Variants in C12orf76 observed in about 807,000 individuals in gnomAD.
C12orf76 encodes uncharacterized protein C12orf76.
C12orf76 carries 6 observed loss-of-function variants against 6.8 expected under a neutral mutation model. That is an observed-to-expected ratio of 0.88 (90% CI 0.48 to 1.73). C12orf76 has a LOEUF of 1.73. Among genes scored for constraint, C12orf76 ranks in the 40% most tolerant of loss-of-function variants. The pLI, the probability that C12orf76 is intolerant of heterozygous loss-of-function variation, is 0.01. For missense variants in C12orf76, 99 were observed against 98.2 expected, an observed-to-expected ratio of 1.01 and a Z score of -0.03; for synonymous variants, 56 against 43.7, an observed-to-expected ratio of 1.28 and a Z score of -1.11.
upstream of C12orf76, chr12:110,048,561 G>A: frequency 2.2e-6 from 3 of 1,348,184 alleles, no homozygotes; most frequent in African/African-American, 4.6e-5. Flanking sequence ...TCTCCTCCCA[G>A]GTCTCTCTGC....
chr12:110,062,627 T>C (rs886757878), intron 2 of C12orf76, among the ~76,000 whole-genome samples: 73 of 151,510 alleles, frequency 4.8e-4, no homozygotes, highest in Non-Finnish European at 8.8e-4. Context: ...AAAGAGATTT[T>C]TTTTTTTTTT....
intron 3 of C12orf76, among the ~76,000 whole-genome samples, chr12:110,058,324 A>G (rs2137231035): frequency 6.6e-6 from 1 of 152,310 alleles, no homozygotes; most frequent in East Asian, 1.9e-4. Context: ...ATGATACACA[A>G]TCATTTTCAG....
chr12:110,059,116 T>C (rs969921013), exon 3 of C12orf76: 6 of 1,551,090 alleles, frequency 3.9e-6, no homozygotes, highest in Non-Finnish European at 4.4e-6. Context: ...TCTTAAATGC[T>C]ATGGTAAATG....
chr12:110,073,482 ATCCGGGCGACT>A, exon 1 of C12orf76: 1 of 522,562 alleles, frequency 1.9e-6, no homozygotes, highest in Non-Finnish European at 3.9e-6. Context: ...GATGCTTTGG[ATCCGGGCGACT>A]TTGTTTGTCT....
In C12orf76 at chr12:110,054,802, G is replaced by C. The variant is rs1312525558; in HGVS notation, n.664+2387C>G. Among the ~76,000 whole-genome samples the C allele has an allele frequency of 6.6e-6, 1 of 152,208 alleles. No individual in the cohort carries two copies. The highest frequency in any genetic ancestry group is 1.5e-5 in the Non-Finnish European group (1 of 68,038). On this transcript the variant is annotated intron_variant and non_coding_transcript_variant, in intron 4 of 4. Transcript: ENST00000309050. The surrounding 1 kb of genome is among the most constrained non-coding windows in gnomAD (Gnocchi z 4.4). ...AAGGGAATGACAAATGTCAAATTCA[G>C]GATTTCGTTTAGAGATGGAGTCTTG...
rs1892315933 is a variant in C12orf76, at chr12:110,041,711, G to GT, written c.*662dup. On this transcript the variant is annotated 3_prime_UTR_variant, in exon 2 of 2. Transcript: ENST00000615315. ...GTTTAAGCAGGATGGGGTCCTTTTT[G>GT]TAACAGGCCAACCTAGTAACATTTC... is the stretch of plus-strand genomic sequence containing the variant. 6.5e-6 allele frequency: 1 copy of GT among 152,776 alleles called. No individual in the cohort carries two copies. Among genetic ancestry groups the GT allele is most frequent in the Non-Finnish European group, 1.5e-5 (1 of 68,482 alleles). The allele number at this position is 152,776 out of a possible 1,614,324, so 9.5% of individuals were successfully genotyped here. A position where few individuals can be genotyped will look rare whatever the true frequency, so the allele number is the denominator to read the frequency against.
At chr12:110,072,502 T>G (rs1213541871), upstream of C12orf76, among the ~76,000 whole-genome samples, 2 of 151,902 alleles carry the variant, frequency 1.3e-5, no homozygotes, top group African/African-American at 4.8e-5. Context: ...TTTTGTTTTT[T>G]TTTTGAGTTG....
chr12:110,070,181 T>C (rs947842398), upstream of C12orf76, among the ~76,000 whole-genome samples: 5 of 149,676 alleles, frequency 3.3e-5, no homozygotes, highest in Non-Finnish European at 7.4e-5. Flanking sequence ...GAGCTTGCAG[T>C]GAGCCAAGAT....
rs1892729791 is a variant in C12orf76 at position 110,059,293 on chromosome 12, A to G, written n.381-130T>C. The G allele has an allele frequency of 1.5e-5, 17 of 1,142,312 alleles. No homozygotes were observed. The South Asian group carries it at 2.8e-4, about 19-fold the overall frequency. The allele number at this position is 1,142,312 out of a possible 1,614,324, so 70.8% of individuals were successfully genotyped here. A position where few individuals can be genotyped will look rare whatever the true frequency, so the allele number is the denominator to read the frequency against. On this transcript the variant is annotated intron_variant and non_coding_transcript_variant, in intron 2 of 4. Transcript: ENST00000309050. ...GTGAATTCTTCGGGATTCTCCATAT[A>G]TGGGATTGTGCCATCTGTGATTAAA...
At chr12:110,050,548 C>G, upstream of C12orf76, 1 of 165,928 alleles carries the variant, frequency 6.0e-6, no homozygotes, top group South Asian at 1.5e-4. Flanking sequence ...CCACCAAAAC[C>G]AAAATGGTGA....
At chr12:110,066,113 G>T (rs760006496) in intron 1 of C12orf76, 7 of 1,397,234 alleles carry the variant, frequency 5.0e-6, no homozygotes, top group Non-Finnish European at 6.5e-6. Context: ...CAGGCCGGGC[G>T]CGGTAGCTCA....
exon 1 of C12orf76, chr12:110,067,552 C>A: frequency 3.0e-6 from 3 of 985,530 alleles, no homozygotes; most frequent in Admixed American, 6.1e-5. Context: ...GGAAAATCCA[C>A]TGGATGTGGT....
At chr12:110,056,311 G>A (rs1006695561) in intron 4 of C12orf76, among the ~76,000 whole-genome samples, 2 of 152,156 alleles carry the variant, frequency 1.3e-5, no homozygotes, top group African/African-American at 4.8e-5. Flanking sequence ...TGAATGAAGA[G>A]AGAACTCTCA....
chr12:110,052,616 C>T (rs944679451), upstream of C12orf76, among the ~76,000 whole-genome samples: 10 of 152,210 alleles, frequency 6.6e-5, no homozygotes, highest in African/African-American at 2.2e-4. Flanking sequence ...TGTGCCATCG[C>T]GTCCAGCCTA....
At position 110,048,402 on chromosome 12, in the gene C12orf76, G is replaced by A. The variant is rs940991919; in HGVS notation, c.94C>T (p.Arg32Trp). Residue 32 changes from arginine to tryptophan, a missense_variant, in exon 1 of 2, where the codon CGG becomes TGG. By Grantham distance (101) the Arg-to-Trp change is moderately radical. Coordinates refer to ENST00000615315, the MANE Select transcript of C12orf76 (RefSeq NM_001389625.1). ...CGCAGCACCGCGTACGGCCGGCTCCGCTCCAGCGGATCCACGGGGCTCGGG... is the reference window on the plus strand; with the variant it reads ...CGCAGCACCGCGTACGGCCGGCTCCACTCCAGCGGATCCACGGGGCTCGGG... ...EAPSPVDPLE[R>W]SRPYAVLRGQ... 35 of 1,515,712 alleles carry A rather than the reference G, an allele frequency of 2.3e-5. No homozygotes were observed. Among genetic ancestry groups the A allele is most frequent in the Non-Finnish European group, 3.0e-5 (34 of 1,137,076 alleles). 93.9% of individuals were successfully genotyped at this position (1,515,712 alleles called of 1,614,324 possible).
chr12:110,057,810 T>C (rs1482086153), intron 3 of C12orf76, among the ~76,000 whole-genome samples: 1 of 152,064 alleles, frequency 6.6e-6, no homozygotes, highest in Non-Finnish European at 1.5e-5. Context: ...ACGCCTGTAA[T>C]CCCAGCACTT....
chr12:110,054,838 G>A lies in C12orf76; in HGVS notation n.664+2351C>T, dbSNP rs145198287. On this transcript the variant is annotated intron_variant and non_coding_transcript_variant, in intron 4 of 4. Transcript: ENST00000309050. This position sits in a 1 kb window ranked among gnomAD's most constrained non-coding sequence, Gnocchi z 4.4. Reference sequence around the variant, plus strand: ...AGAGATGGAGTCTTGCTGTGTTGCCGAGGCTGGAACGCAGTGGCTATTTCA... The same window carrying A: ...AGAGATGGAGTCTTGCTGTGTTGCCAAGGCTGGAACGCAGTGGCTATTTCA... Among the ~76,000 whole-genome samples, 133 of 152,278 alleles carry A rather than the reference G, an allele frequency of 8.7e-4. No homozygotes were observed. The highest frequency in any genetic ancestry group is 2.9e-3 in the African/African-American group (122 of 41,532).
chr12:110,067,593 C>A, exon 1 of C12orf76: 1 of 985,422 alleles, frequency 1.0e-6, no homozygotes, highest in Non-Finnish European at 1.2e-6. Flanking sequence ...CCGTCATCTT[C>A]TCGAACTCCA....
intron 1 of C12orf76, among the ~76,000 whole-genome samples, chr12:110,046,420 C>G (rs1441390843): frequency 1.3e-5 from 2 of 152,136 alleles, no homozygotes; most frequent in East Asian, 3.8e-4. Flanking sequence ...GAGCAAAACT[C>G]CATCTCAAAA....
Sources: gnomAD v4.1 joint callset for allele counts (sites outside exome capture counted in the v4.1 genomes callset) on GRCh38, gnomAD v4.1.1 for gene constraint, Gnocchi (gnomAD v3.1) non-coding constraint, MANE v1.5 for transcripts, NCBI Gene and HGNC (gene_info 2026-07-23, HGNC 2026-07-21) for gene names.